COMMD1: variants seen among roughly 807,000 people sequenced by gnomAD.
The protein encoded by COMMD1 is COMM domain-containing protein 1.
A neutral mutation model predicts 17.2 loss-of-function variants in COMMD1; 10 were observed. That is an observed-to-expected ratio of 0.58 (90% CI 0.36 to 0.99). The LOEUF (loss-of-function observed/expected upper bound fraction) is 0.99. COMMD1 is among the 50% of genes least tolerant of loss of function. The probability of loss-of-function intolerance (pLI) is 0.01; values close to 1 mark genes in which losing one functional copy is unlikely to be tolerated. For synonymous variants in COMMD1, 97 were observed against 91.6 expected (o/e 1.06, Z -0.34); for missense variants, 270 against 231.8 (o/e 1.17, Z -1.07).
intron 2 of COMMD1, among the ~76,000 whole-genome samples, chr2:62,117,273 T>G (rs924415541): frequency 6.6e-6 from 1 of 152,256 alleles, no homozygotes; most frequent in African/African-American, 2.4e-5. Flanking sequence ...CCAAAATGTA[T>G]GTACTCGTTG....
intron 2 of COMMD1, among the ~76,000 whole-genome samples, chr2:62,122,085 C>A (rs1167613496): frequency 1.3e-5 from 2 of 152,202 alleles, no homozygotes; most frequent in Non-Finnish European, 2.9e-5. Context: ...AGCCACCGCA[C>A]CTGGCCATAT....
intron 2 of COMMD1, among the ~76,000 whole-genome samples, chr2:62,128,364 G>A (rs553969502): frequency 3.7e-4 from 56 of 150,760 alleles, no homozygotes; most frequent in African/African-American, 1.3e-3. Context: ...AACTCAAGAT[G>A]AATTAAAGAC....
At chr2:61,954,746 A>G (rs1479628674) in intron 1 of COMMD1, among the ~76,000 whole-genome samples, 1 of 151,842 alleles carries the variant, frequency 6.6e-6, no homozygotes, top group African/African-American at 2.4e-5. Flanking sequence ...CAATGGCACG[A>G]TCTTGGCTCA....
chr2:62,112,812 C>G (rs748227172), intron 2 of COMMD1, among the ~76,000 whole-genome samples: 4 of 152,062 alleles, frequency 2.6e-5, no homozygotes, highest in Non-Finnish European at 4.4e-5. Context: ...TTTTTTCTCT[C>G]TTAATACTGC....
chr2:61,917,213 C>T (rs1481662496), intron 1 of COMMD1, among the ~76,000 whole-genome samples: 3 of 151,878 alleles, frequency 2.0e-5, no homozygotes, highest in African/African-American at 4.8e-5. Context: ...AAAAATTAGC[C>T]GGGTATGGTA....
intron 2 of COMMD1, among the ~76,000 whole-genome samples, chr2:62,006,372 G>A (rs1482638638): frequency 6.6e-6 from 1 of 151,460 alleles, no homozygotes; most frequent in East Asian, 1.9e-4. Context: ...AAAGAAAATT[G>A]GAAGCCAAGT....
At chr2:62,044,675 G>A (rs1670330825) in intron 2 of COMMD1, among the ~76,000 whole-genome samples, 1 of 152,038 alleles carries the variant, frequency 6.6e-6, no homozygotes, top group Non-Finnish European at 1.5e-5. Context: ...TTCTGAAAAG[G>A]TGAACCTAAC....
chr2:61,966,128 T>C (rs1012611427), intron 1 of COMMD1, among the ~76,000 whole-genome samples: 2 of 152,260 alleles, frequency 1.3e-5, no homozygotes, highest in Non-Finnish European at 2.9e-5. Context: ...GCTATGGATG[T>C]ATTTAACCAG....
chr2:61,955,961 A>G (rs1404274908), intron 1 of COMMD1, among the ~76,000 whole-genome samples: 1 of 152,222 alleles, frequency 6.6e-6, no homozygotes, highest in African/African-American at 2.4e-5. Context: ...TGCTGGGATC[A>G]CAGGCATGAG....
chr2:62,087,155 A>G (rs571283027), intron 2 of COMMD1, among the ~76,000 whole-genome samples: 28 of 152,336 alleles, frequency 1.8e-4, no homozygotes, highest in African/African-American at 6.7e-4. Context: ...AATGTTCTCC[A>G]AACAGCAAAA....
At chr2:61,942,768 C>T (rs1194100766) in intron 1 of COMMD1, among the ~76,000 whole-genome samples, 3 of 148,836 alleles carry the variant, frequency 2.0e-5, no homozygotes, top group African/African-American at 7.5e-5. Context: ...GAACTTCTGA[C>T]CTCAAGTGAT....
At chr2:62,098,610 CTGTT>C (rs1014298964) in intron 2 of COMMD1, among the ~76,000 whole-genome samples, 3 of 152,240 alleles carry the variant, frequency 2.0e-5, no homozygotes, top group South Asian at 2.1e-4. Context: ...TTCCTGAAAA[CTGTT>C]TGAATGTCTT....
At chr2:61,964,457 G>A (rs1180896466) in intron 1 of COMMD1, among the ~76,000 whole-genome samples, 1 of 151,998 alleles carries the variant, frequency 6.6e-6, no homozygotes, top group African/African-American at 2.4e-5. Context: ...TAAGCAATCC[G>A]CCCCATTTGG....
At chr2:62,019,688 G>A (rs914202244) in intron 2 of COMMD1, among the ~76,000 whole-genome samples, 3 of 152,142 alleles carry the variant, frequency 2.0e-5, no homozygotes, top group Non-Finnish European at 4.4e-5. Flanking sequence ...ACCATGTTAG[G>A]CGATAGATGC....
chr2:61,903,299 C>T (rs1669698230), upstream of COMMD1, among the ~76,000 whole-genome samples: 1 of 151,852 alleles, frequency 6.6e-6, no homozygotes, highest in South Asian at 2.1e-4. Context: ...CAAAAATTAG[C>T]TGGGCGTGGT....
intron 2 of COMMD1, among the ~76,000 whole-genome samples, chr2:62,015,245 C>T (rs1382576169): frequency 6.6e-6 from 1 of 152,174 alleles, no homozygotes; most frequent in Admixed American, 6.5e-5. Flanking sequence ...TTTGCCTATT[C>T]TAGGTACCTC....
intron 1 of COMMD1, among the ~76,000 whole-genome samples, chr2:61,892,107 A>G (rs945731273): frequency 2.0e-5 from 3 of 151,978 alleles, no homozygotes; most frequent in South Asian, 2.1e-4. Context: ...CTGGGATAAA[A>G]GGCATGAGCC....
rs573562790 is a variant in COMMD1 at position 61,945,098 on chromosome 2, A to G, written c.180+39240A>G. Among the ~76,000 whole-genome samples, 12 of 152,274 alleles carry G rather than the reference A, an allele frequency of 7.9e-5. No homozygotes were observed. The South Asian group carries it at 2.1e-3, about 26-fold the overall frequency. On this transcript the variant is annotated intron_variant, in intron 1 of 2. Transcript: ENST00000311832. ...AGAACAACAACAAAAACCCAACAAT[A>G]TGATTACTGAGTGCTCCAATGGTAA...
chr2:62,087,482 A>T (rs1390029837), intron 2 of COMMD1, among the ~76,000 whole-genome samples: 1 of 152,242 alleles, frequency 6.6e-6, no homozygotes, highest in East Asian at 1.9e-4. Flanking sequence ...ATGGTGGCTC[A>T]TGCCTATAAT....
Sources: allele counts gnomAD v4.1 joint callset (sites outside exome capture counted in the v4.1 genomes callset), GRCh38; gene constraint gnomAD v4.1.1; transcripts MANE v1.5; gene names NCBI Gene and HGNC (gene_info 2026-07-23, HGNC 2026-07-21).